The following DYM variants were observed in gnomAD, a reference collection of about 807,000 sequenced individuals.
The protein encoded by DYM is dyggve-Melchior-Clausen syndrome protein.
A neutral mutation model predicts 93.1 loss-of-function variants in DYM; 78 were observed. The observed-to-expected ratio is 0.84, with a 90% CI of 0.70 to 1.01. DYM has a LOEUF of 1.01. DYM is among the 50% of genes least tolerant of loss of function. The pLI is 0.00. For missense variants in DYM, 789 were observed against 845.0 expected, an observed-to-expected ratio of 0.93 and a Z score of 0.82; for synonymous variants, 321 against 319.7, an observed-to-expected ratio of 1.00 and a Z score of -0.04.
Position 49,440,373 on chromosome 18 carries a change from G to T in DYM, c.-53-9926C>A, listed in dbSNP as rs889328143. On this transcript the variant is annotated intron_variant, in intron 1 of 17. Coordinates refer to ENST00000675505, the MANE Select transcript of DYM (RefSeq NM_001353214.3). ...AATATAGTATATGATATATAATATAGCATATTATATATGATATATAATATA... is the reference window on the plus strand; with the variant it reads ...AATATAGTATATGATATATAATATATCATATTATATATGATATATAATATA... Among the ~76,000 whole-genome samples the T allele has an allele frequency of 4.0e-3, 487 of 121,220 alleles. 32 individuals are homozygous for T. The highest frequency in any genetic ancestry group is 6.3e-3 in the Non-Finnish European group (391 of 61,696). 79.5% of individuals were successfully genotyped at this position (121,220 alleles called of 152,430 possible).
At chr18:49,190,973 G>C (rs2090913503) in intron 14 of DYM, among the ~76,000 whole-genome samples, 1 of 151,876 alleles carries the variant, frequency 6.6e-6, no homozygotes, top group Admixed American at 6.6e-5. Flanking sequence ...TATTTTTTAG[G>C]TAAGGCTTCT....
chr18:49,328,635 A>C (rs893705003), intron 8 of DYM, among the ~76,000 whole-genome samples: 1 of 152,240 alleles, frequency 6.6e-6, no homozygotes, highest in African/African-American at 2.4e-5. Context: ...GGATATGAAT[A>C]GACACTTCTC....
intron 14 of DYM, among the ~76,000 whole-genome samples, chr18:49,186,606 G>C (rs1379468921): frequency 6.6e-6 from 1 of 152,098 alleles, no homozygotes; most frequent in Admixed American, 6.5e-5. Context: ...CCTATTTATG[G>C]ACTGAATCCA....
chr18:49,249,754 T>C (rs2094247046), intron 13 of DYM, among the ~76,000 whole-genome samples: 1 of 151,786 alleles, frequency 6.6e-6, no homozygotes, highest in Admixed American at 6.6e-5. Flanking sequence ...AGCTTGAGAC[T>C]ACTACACGGA....
chr18:49,188,842 T>TA (rs1247289597), intron 14 of DYM, among the ~76,000 whole-genome samples: 1 of 151,710 alleles, frequency 6.6e-6, no homozygotes. Context: ...AGTATAATAA[T>TA]AAAAAAAAGA....
At chr18:49,235,796 GA>G (rs147072576) in intron 13 of DYM, among the ~76,000 whole-genome samples, 5,239 of 147,850 alleles carry the variant, frequency 0.035, 300 homozygotes, top group African/African-American at 0.12. Context: ...ACTGTGGCTT[GA>G]AAAAATGCCT....
intron 8 of DYM, among the ~76,000 whole-genome samples, chr18:49,322,957 G>A (rs1387522959): frequency 6.6e-6 from 1 of 152,132 alleles, no homozygotes; most frequent in African/African-American, 2.4e-5. Flanking sequence ...TTAATAAATA[G>A]CAGGTCTGGC....
chr18:49,058,053 AG>A (rs1298740347), intron 17 of DYM, among the ~76,000 whole-genome samples: 2 of 152,266 alleles, frequency 1.3e-5, no homozygotes, highest in African/African-American at 4.8e-5. Context: ...GACTTCTCCA[AG>A]CAGTCCCAGA....
At chr18:49,098,697 G>A (rs2079812065) in intron 16 of DYM, among the ~76,000 whole-genome samples, 1 of 152,130 alleles carries the variant, frequency 6.6e-6, no homozygotes, top group Non-Finnish European at 1.5e-5. Context: ...TGGGCTTTTC[G>A]CTACGTGCCT....
intron 2 of DYM, among the ~76,000 whole-genome samples, chr18:49,408,012 C>CTGAT (rs2071719862): frequency 6.8e-6 from 1 of 147,262 alleles, no homozygotes; most frequent in Non-Finnish European, 1.5e-5. Context: ...GGAGGACTGC[C>CTGAT]TGATTCCAGG....
chr18:49,326,966 C>T (rs1340786852), intron 8 of DYM, among the ~76,000 whole-genome samples: 3 of 135,532 alleles, frequency 2.2e-5, no homozygotes, highest in African/African-American at 5.6e-5. Context: ...ATGCATGTAA[C>T]TTATCCTCAA....
intron 1 of DYM, among the ~76,000 whole-genome samples, chr18:49,434,073 C>T (rs761877732): frequency 7.2e-5 from 11 of 152,028 alleles, no homozygotes; most frequent in African/African-American, 1.7e-4. Flanking sequence ...AGGCTGGGCG[C>T]GGTGGCTCAC....
intron 17 of DYM, among the ~76,000 whole-genome samples, chr18:49,078,192 G>C (rs745978646): frequency 6.6e-6 from 1 of 151,876 alleles, no homozygotes; most frequent in Non-Finnish European, 1.5e-5. Context: ...ATATTACTTA[G>C]GGTGACCATA....
Position 49,141,401 on chromosome 18 carries a change from A to T in DYM, c.1728+22284T>A, listed in dbSNP as rs115195277. ...CTAACCTCCAAACTCTTTACCGTAAATGGGCTCATCAGGCCTTGAACATAG... is the reference window on the plus strand; with the variant it reads ...CTAACCTCCAAACTCTTTACCGTAATTGGGCTCATCAGGCCTTGAACATAG... On this transcript the variant is annotated intron_variant, in intron 15 of 17. Coordinates refer to ENST00000675505, the MANE Select transcript of DYM (RefSeq NM_001353214.3). Among the ~76,000 whole-genome samples, 451 of 152,240 alleles carry T rather than the reference A, an allele frequency of 3.0e-3. 2 individuals carry two copies. The highest frequency in any genetic ancestry group is 0.01 in the African/African-American group (417 of 41,524).
intron 2 of DYM, among the ~76,000 whole-genome samples, chr18:49,421,616 C>T (rs1195684436): frequency 6.6e-6 from 1 of 152,212 alleles, no homozygotes; most frequent in African/African-American, 2.4e-5. Context: ...AACGCAGCTC[C>T]TCGCCAGCAA....
rs2145767078 is a variant in DYM at position 49,195,232 on chromosome 18, A to AG, written c.1625+14318_1625+14319insC. On this transcript the variant is annotated intron_variant, in intron 14 of 17. Coordinates refer to ENST00000675505, the MANE Select transcript of DYM (RefSeq NM_001353214.3). Reference sequence around the variant, plus strand: ...GTTCAGTTCACTGTCTACTCAAAGTATCGTGTTACTTTAAAATTAAGTTTT... The same window carrying AG: ...GTTCAGTTCACTGTCTACTCAAAGTAGTCGTGTTACTTTAAAATTAAGTTTT... Among the ~76,000 whole-genome samples, 3 of 152,338 alleles carry AG rather than the reference A, an allele frequency of 2.0e-5. No homozygotes were observed. In the East Asian group the frequency reaches 5.8e-4, roughly 29 times the overall value.
At chr18:49,083,461 G>A (rs1216588681) in intron 17 of DYM, among the ~76,000 whole-genome samples, 2 of 152,122 alleles carry the variant, frequency 1.3e-5, no homozygotes, top group African/African-American at 2.4e-5. Flanking sequence ...ATACTGGTCT[G>A]TTCTTTTCCT....
At chr18:49,201,773 C>T (rs1177848766) in intron 14 of DYM, among the ~76,000 whole-genome samples, 3 of 152,344 alleles carry the variant, frequency 2.0e-5, no homozygotes, top group East Asian at 1.9e-4. Flanking sequence ...TTCTTAGTTA[C>T]TGCGCAGATA....
chr18:49,184,650 C>T (rs541869728), intron 14 of DYM, among the ~76,000 whole-genome samples: 1 of 152,166 alleles, frequency 6.6e-6, no homozygotes, highest in Non-Finnish European at 1.5e-5. Flanking sequence ...ATGGGCAGGT[C>T]GCATATACAA....
Sources: allele counts gnomAD v4.1 joint callset (sites outside exome capture counted in the v4.1 genomes callset), GRCh38; gene constraint gnomAD v4.1.1; transcripts MANE v1.5; gene names NCBI Gene and HGNC (gene_info 2026-07-23, HGNC 2026-07-21).